SEMA3A: variants seen among roughly 807,000 people sequenced by gnomAD.
SEMA3A encodes semaphorin-3A.
In SEMA3A, 29 loss-of-function variants were observed where a neutral mutation model predicts 97.9. The observed-to-expected ratio is 0.30, with a 90% CI of 0.22 to 0.40. The LOEUF is 0.40. SEMA3A is among the 10% of genes least tolerant of loss of function. SEMA3A has a pLI of 1.00. For missense variants in SEMA3A, 763 were observed against 951.3 expected (o/e 0.80, Z 2.60); for synonymous variants, 321 against 323.7 (o/e 0.99, Z 0.09).
At chr7:84,133,826 G>A (rs111462702) in intron 2 of SEMA3A, among the ~76,000 whole-genome samples, 10 of 150,592 alleles carry the variant, frequency 6.6e-5, no homozygotes, top group African/African-American at 2.2e-4. Context: ...CAAGGCGGGC[G>A]GATCACTTGA....
At chr7:84,460,148 A>C (rs562932775) in intron 1 of SEMA3A, among the ~76,000 whole-genome samples, 1 of 152,324 alleles carries the variant, frequency 6.6e-6, no homozygotes, top group South Asian at 2.1e-4. Flanking sequence ...TCAAAATGTT[A>C]AGAATTCTTG....
chr7:84,428,080 A>C (rs2116311414), intron 1 of SEMA3A, among the ~76,000 whole-genome samples: 2 of 152,268 alleles, frequency 1.3e-5, no homozygotes, highest in South Asian at 4.1e-4. Context: ...TTAAAAACTC[A>C]ATAATGACAA....
chr7:84,013,753 G>GGGAGAATCACTTGAACCA (rs1225030766), intron 7 of SEMA3A, among the ~76,000 whole-genome samples: 1 of 152,098 alleles, frequency 6.6e-6, no homozygotes, highest in South Asian at 2.1e-4. Flanking sequence ...AGGCTGAAGC[G>GGGAGAATCACTTGAACCA]GGAGAATCAC....
rs371294616 is a variant in SEMA3A at position 83,994,565 on chromosome 7, A to G, written c.1452+7390T>C. On this transcript the variant is annotated intron_variant, in intron 12 of 16. Coordinates refer to ENST00000265362, the MANE Select transcript of SEMA3A (RefSeq NM_006080.3). ...GACCCTCAGCTGCAGGTCTGTTGGA[A>G]TACCCTGCCGTGTGAGGTGTTAGTG... Among the ~76,000 whole-genome samples the G allele has an allele frequency of 6.0e-4, 82 of 136,454 alleles. 1 individual carries two copies. Among genetic ancestry groups the G allele is most frequent in the East Asian group, 8.6e-4 (3 of 3,490 alleles). 89.5% of individuals were successfully genotyped at this position (136,454 alleles called of 152,430 possible). A position where few individuals can be genotyped will look rare whatever the true frequency, so the allele number is the denominator to read the frequency against.
chr7:84,432,574 T>C (rs991572970), intron 1 of SEMA3A, among the ~76,000 whole-genome samples: 1 of 152,146 alleles, frequency 6.6e-6, no homozygotes, highest in Non-Finnish European at 1.5e-5. Context: ...GTGGCTATCA[T>C]TGCCATCTTT....
intron 1 of SEMA3A, among the ~76,000 whole-genome samples, chr7:84,432,231 T>C (rs1804998836): frequency 6.6e-6 from 1 of 152,108 alleles, no homozygotes; most frequent in Non-Finnish European, 1.5e-5. Flanking sequence ...ACAAGATATG[T>C]GTTGCAGAGA....
At chr7:83,982,699 T>C (rs1789464956) in intron 13 of SEMA3A, among the ~76,000 whole-genome samples, 1 of 152,176 alleles carries the variant, frequency 6.6e-6, no homozygotes, top group South Asian at 2.1e-4. Flanking sequence ...TGAACAATGA[T>C]ATGCTTTTTT....
intron 1 of SEMA3A, among the ~76,000 whole-genome samples, chr7:84,166,237 T>A (rs946952601): frequency 6.6e-6 from 1 of 150,536 alleles, no homozygotes; most frequent in Non-Finnish European, 1.5e-5. Context: ...ATGATTGCAC[T>A]GCTGCACTCC....
intron 4 of SEMA3A, among the ~76,000 whole-genome samples, chr7:84,093,761 G>A (rs1342658020): frequency 2.5e-4 from 38 of 151,894 alleles, no homozygotes; most frequent in Admixed American, 2.5e-3. Context: ...ATACATGGAC[G>A]CAGGGAGGGG....
chr7:84,333,500 T>G (rs1022621245), intron 2 of SEMA3A, among the ~76,000 whole-genome samples: 4 of 152,042 alleles, frequency 2.6e-5, no homozygotes, highest in African/African-American at 7.2e-5. Flanking sequence ...GAGAGTGACT[T>G]TAGTTAATAG....
chr7:84,367,292 C>G (rs969691652), intron 2 of SEMA3A, among the ~76,000 whole-genome samples: 2 of 151,290 alleles, frequency 1.3e-5, no homozygotes, highest in Non-Finnish European at 3.0e-5. Context: ...CAAACAAATG[C>G]TACTTGATTT....
intron 1 of SEMA3A, among the ~76,000 whole-genome samples, chr7:84,140,186 C>T (rs1303993824): frequency 3.3e-5 from 5 of 152,010 alleles, no homozygotes; most frequent in Non-Finnish European, 7.4e-5. Flanking sequence ...GATGATTCAC[C>T]CCTACATACC....
In SEMA3A at chr7:84,406,557, A is replaced by G. The variant is rs538512545; in HGVS notation, c.-245-34657T>C. Among the ~76,000 whole-genome samples the G allele has an allele frequency of 7.2e-4, 109 of 152,254 alleles. 1 individual carries two copies. The highest frequency in any genetic ancestry group is 2.4e-3 in the African/African-American group (99 of 41,558). On this transcript the variant is annotated intron_variant, in intron 1 of 3. Coordinates refer to the SEMA3A transcript ENST00000424555. ...CTCCCTAACTCATTTTATGAGGCCA[A>G]CATCATCCTGATACCAAAGCCTGGC...
chr7:84,038,174 C>T (rs1351835665), intron 6 of SEMA3A, among the ~76,000 whole-genome samples: 1 of 152,034 alleles, frequency 6.6e-6, no homozygotes, highest in East Asian at 1.9e-4. Context: ...GAGCAGACAC[C>T]ATTAAGCAAG....
intron 3 of SEMA3A, among the ~76,000 whole-genome samples, chr7:84,247,627 G>T (rs1214630833): frequency 6.6e-6 from 1 of 152,132 alleles, no homozygotes; most frequent in African/African-American, 2.4e-5. Context: ...AAGAAGAAAA[G>T]GAAATTATCT....
At chr7:84,219,286 A>G (rs960390560) in intron 3 of SEMA3A, among the ~76,000 whole-genome samples, 3 of 152,228 alleles carry the variant, frequency 2.0e-5, no homozygotes, top group African/African-American at 7.2e-5. Context: ...GTCTTTTCAG[A>G]TGTCTGACAG....
intron 1 of SEMA3A, among the ~76,000 whole-genome samples, chr7:84,141,689 CTG>C (rs2116074531): frequency 6.6e-6 from 1 of 152,214 alleles, no homozygotes; most frequent in South Asian, 2.1e-4. Context: ...GTAAGCCTCT[CTG>C]TGTGTGGTTG....
At chr7:84,352,548 A>T in intron 2 of SEMA3A, among the ~76,000 whole-genome samples, 1 of 151,828 alleles carries the variant, frequency 6.6e-6, no homozygotes, top group East Asian at 1.9e-4. Flanking sequence ...TAAAAATAAA[A>T]TAAAAATGAA....
intron 3 of SEMA3A, among the ~76,000 whole-genome samples, chr7:84,222,697 T>G (rs1798906146): frequency 6.6e-6 from 1 of 151,886 alleles, no homozygotes; most frequent in Non-Finnish European, 1.5e-5. Context: ...AAACTTGGTT[T>G]TAATACAGAA....
Sources: gnomAD v4.1 joint callset for allele counts (sites outside exome capture counted in the v4.1 genomes callset) on GRCh38, gnomAD v4.1.1 for gene constraint, MANE v1.5 for transcripts, NCBI Gene and HGNC (gene_info 2026-07-23, HGNC 2026-07-21) for gene names.